The following RAB6B variants were observed in gnomAD, a reference collection of about 807,000 sequenced individuals.
RAB6B encodes the protein ras-related protein Rab-6B.
Under a neutral mutation model 31.2 loss-of-function variants are expected in RAB6B, and 7 were observed. The observed-to-expected ratio is 0.22, with a 90% CI of 0.13 to 0.42. RAB6B has a LOEUF of 0.42. Ranked by LOEUF, RAB6B falls within the 10% of genes least tolerant of loss-of-function variation. The pLI, the probability that RAB6B is intolerant of heterozygous loss-of-function variation, is 1.00. For missense variants in RAB6B, 149 were observed against 280.6 expected (o/e 0.53, Z 3.35); for synonymous variants, 105 against 104.9 (o/e 1.00, Z -0.01).
chr3:133,852,475 C>CTTT (rs5852767), intron 2 of RAB6B, among the ~76,000 whole-genome samples: 105 of 142,470 alleles, frequency 7.4e-4, no homozygotes, highest in African/African-American at 2.7e-3. Context: ...TTTTCTTTTT[C>CTTT]TTTTTTTTTT....
intron 1 of RAB6B, among the ~76,000 whole-genome samples, chr3:133,873,660 CA>C (rs971169044): frequency 1.3e-5 from 2 of 152,096 alleles, no homozygotes; most frequent in Admixed American, 6.5e-5. Context: ...AATCAATAAA[CA>C]AAAAAATTTA....
At chr3:133,836,074 T>A (rs969027269) in intron 6 of RAB6B, among the ~76,000 whole-genome samples, 2 of 151,806 alleles carry the variant, frequency 1.3e-5, no homozygotes, top group African/African-American at 4.8e-5. Flanking sequence ...GAAGACAGGG[T>A]GAGTCTTATT....
At chr3:133,850,119 T>G (rs1935957389) in intron 2 of RAB6B, among the ~76,000 whole-genome samples, 1 of 152,184 alleles carries the variant, frequency 6.6e-6, no homozygotes, top group Middle Eastern at 3.4e-3. Context: ...CTAAGCAGCC[T>G]ACCTAAGACT....
intron 2 of RAB6B, among the ~76,000 whole-genome samples, chr3:133,850,630 GA>G (rs1276685288): frequency 1.3e-5 from 2 of 151,662 alleles, no homozygotes; most frequent in East Asian, 3.9e-4. Context: ...AGCATAAAGA[GA>G]AAAAAAATTG....
At position 133,884,393 on chromosome 3, in the gene RAB6B, G is replaced by A. The variant is rs78149058; in HGVS notation, c.70+11004C>T. Among the ~76,000 whole-genome samples, 6 of 152,328 alleles carry A rather than the reference G, an allele frequency of 3.9e-5. No individual in the cohort carries two copies. The East Asian group carries it at 1.2e-3, about 29-fold the overall frequency. ...AAACGGCAGTGTCTGCCTCTACTCT[G>A]GCCCCTTGGCTTTCAGCCTTAGCTT... On this transcript the variant is annotated intron_variant, in intron 1 of 7. Coordinates refer to ENST00000285208, the MANE Select transcript of RAB6B (RefSeq NM_016577.4).
intron 2 of RAB6B, among the ~76,000 whole-genome samples, chr3:133,854,187 C>G (rs1423109233): frequency 6.6e-6 from 1 of 152,202 alleles, no homozygotes; most frequent in African/African-American, 2.4e-5. Context: ...ACAAACATCT[C>G]AATAACCGAG....
chr3:133,894,791 C>T (rs1269138350), intron 1 of RAB6B: 1 of 152,410 alleles, frequency 6.6e-6, no homozygotes, highest in Non-Finnish European at 1.5e-5. Flanking sequence ...GAGGTAGGCT[C>T]CCCGTTCCCC....
chr3:133,882,637 G>T (rs1936484594), intron 1 of RAB6B, among the ~76,000 whole-genome samples: 1 of 152,214 alleles, frequency 6.6e-6, no homozygotes, highest in Non-Finnish European at 1.5e-5. Context: ...CTGGGCATCT[G>T]CATGCTGCTC....
chr3:133,895,480 G>A lies in RAB6B; in HGVS notation c.-14C>T. 6.2e-7 allele frequency: 1 copy of A among 1,611,060 alleles called. No individual in the cohort carries two copies. ...CCCTGCGGACATGGTGCTGGCAGCC[G>A]GGGCCGGGAGAGGAGGAGGAGGAAA... On this transcript the variant is annotated 5_prime_UTR_variant, in exon 1 of 8. Coordinates refer to ENST00000285208, the MANE Select transcript of RAB6B (RefSeq NM_016577.4).
At chr3:133,832,397 C>T (rs1935667575) in intron 7 of RAB6B, among the ~76,000 whole-genome samples, 1 of 152,028 alleles carries the variant, frequency 6.6e-6, no homozygotes, top group Non-Finnish European at 1.5e-5. Context: ...CCCATCTAGA[C>T]CTGCAAGCAG....
intron 1 of RAB6B, among the ~76,000 whole-genome samples, chr3:133,895,134 G>A (rs557103465): frequency 6.6e-6 from 1 of 152,184 alleles, no homozygotes; most frequent in African/African-American, 2.4e-5. Flanking sequence ...CGGGCCCCCT[G>A]CAGCGCCGCA....
chr3:133,857,562 G>A (rs1936099493), intron 2 of RAB6B, among the ~76,000 whole-genome samples: 1 of 152,128 alleles, frequency 6.6e-6, no homozygotes, highest in Non-Finnish European at 1.5e-5. Context: ...GGGACGTGCG[G>A]CATTTTAGAT....
intron 2 of RAB6B, among the ~76,000 whole-genome samples, chr3:133,847,710 T>C (rs1290689999): frequency 1.3e-5 from 2 of 152,226 alleles, no homozygotes; most frequent in African/African-American, 2.4e-5. Flanking sequence ...CCTCTGCCCA[T>C]AGCTCTTGCT....
At chr3:133,859,606 G>C (rs1438598030) in intron 2 of RAB6B, among the ~76,000 whole-genome samples, 1 of 152,220 alleles carries the variant, frequency 6.6e-6, no homozygotes. Flanking sequence ...TGCTGCCAAG[G>C]CTGGCAACCC....
intron 1 of RAB6B, among the ~76,000 whole-genome samples, 197 bp downstream of exon 1, chr3:133,895,200 G>T (rs1036612499): frequency 4.6e-5 from 7 of 152,014 alleles, no homozygotes. Flanking sequence ...TCCACCCCAG[G>T]CTCCAGCGCC....
rs572581356 is a variant in RAB6B, at chr3:133,824,673, ACAAT to A, written c.*4111_*4114del. The A allele has an allele frequency of 2.0e-5, 3 of 152,232 alleles. No individual in the cohort carries two copies. The highest frequency in any genetic ancestry group is 4.8e-5 in the African/African-American group (2 of 41,450). The allele number at this position is 152,232 out of a possible 1,614,324, so 9.4% of individuals were successfully genotyped here. A position where few individuals can be genotyped will look rare whatever the true frequency, so the allele number is the denominator to read the frequency against. Reference sequence around the variant, plus strand: ...GTCCTGATCTGTGTGGGTGCCCATGACAATCAATCAGAGTAGACTTGGGGACTGG... The same window carrying A: ...GTCCTGATCTGTGTGGGTGCCCATGACAATCAGAGTAGACTTGGGGACTGG... On this transcript the variant is annotated 3_prime_UTR_variant, in exon 8 of 8. Transcript: ENST00000285208.
At chr3:133,834,791 T>G in intron 6 of RAB6B, 150 bp from the exon 7 acceptor site, 1 of 733,296 alleles carries the variant, frequency 1.4e-6, no homozygotes, top group Non-Finnish European at 2.4e-6. Flanking sequence ...AGGCAGGGGC[T>G]GTGCCTATGT....
chr3:133,829,828 C>G (rs1185077059), intron 7 of RAB6B, among the ~76,000 whole-genome samples: 1 of 152,148 alleles, frequency 6.6e-6, no homozygotes, highest in Non-Finnish European at 1.5e-5. Flanking sequence ...AACTTTTTGG[C>G]CACCTCTAAC....
At chr3:133,869,541 A>C (rs904949694) in intron 1 of RAB6B, among the ~76,000 whole-genome samples, 3 of 152,224 alleles carry the variant, frequency 2.0e-5, no homozygotes, top group Non-Finnish European at 4.4e-5. Context: ...GCAGTTCATA[A>C]TTTCCATAGT....
Sources: allele counts gnomAD v4.1 joint callset (sites outside exome capture counted in the v4.1 genomes callset), GRCh38; gene constraint gnomAD v4.1.1; transcripts MANE v1.5; gene names NCBI Gene and HGNC (gene_info 2026-07-23, HGNC 2026-07-21).